The following ARID1B variants were observed in gnomAD, a reference collection of about 807,000 sequenced individuals.
ARID1B encodes the protein AT-rich interaction domain 1B.
In ARID1B, 30 loss-of-function variants were observed where a neutral mutation model predicts 212.3. That is an observed-to-expected ratio of 0.14 (90% CI 0.11 to 0.19). The LOEUF is 0.19. ARID1B is among the 10% of genes least tolerant of loss of function. The pLI, the probability that ARID1B is intolerant of heterozygous loss-of-function variation, is 1.00. For synonymous variants in ARID1B, 1,402 were observed against 1,301.7 expected (o/e 1.08, Z -1.66); for missense variants, 2,891 against 3,204.0 (o/e 0.90, Z 2.36).
In ARID1B at chr6:156,908,604, T is replaced by C. The variant is rs1789601487; in HGVS notation, c.2136+7079T>C. On this transcript the variant is annotated intron_variant, in intron 3 of 19. Coordinates refer to ENST00000636930, the MANE Select transcript of ARID1B (RefSeq NM_001374828.1). ...CCACTCAAGTGAATGCTTACTTTAT[T>C]TGAACATTTTTTGTTTGATGAAGCT... is the stretch of plus-strand genomic sequence containing the variant. 2.0e-5 allele frequency among the ~76,000 whole-genome samples: 3 copies of C among 151,994 alleles called. No individual in the cohort carries two copies. In the South Asian group the frequency reaches 6.3e-4, roughly 32 times the overall value.
At chr6:157,099,467 C>A (rs1006565864) in intron 5 of ARID1B, among the ~76,000 whole-genome samples, 1 of 152,000 alleles carries the variant, frequency 6.6e-6, no homozygotes, top group African/African-American at 2.4e-5. Flanking sequence ...GTCTGTCTTA[C>A]CCTCGCACCT....
intron 3 of ARID1B, among the ~76,000 whole-genome samples, chr6:156,934,912 T>TTA (rs201495355): frequency 0.01 from 531 of 52,152 alleles, 8 homozygotes; most frequent in South Asian, 0.017. Context: ...TAGTTGTTAA[T>TTA]TATATATATA....
chr6:157,190,326 G>A lies in ARID1B; in HGVS notation c.4231+116G>A. On this transcript the variant is annotated intron_variant, in intron 15 of 19. Coordinates refer to ENST00000636930, the MANE Select transcript of ARID1B (RefSeq NM_001374828.1). The surrounding 1 kb of genome is among the most constrained non-coding windows in gnomAD (Gnocchi z 4.6). ...CTCTGAGCCCATGCTGCATCGGTGT[G>A]GGTCCCAGGTCCCCATCCTACTCCA... is the stretch of plus-strand genomic sequence containing the variant. The A allele has an allele frequency of 8.0e-7, 1 of 1,257,696 alleles. No individual in the cohort carries two copies. Among genetic ancestry groups the A allele is most frequent in the East Asian group, 2.5e-5 (1 of 39,714 alleles). 77.9% of individuals were successfully genotyped at this position (1,257,696 alleles called of 1,614,324 possible). A position where few individuals can be genotyped will look rare whatever the true frequency, so the allele number is the denominator to read the frequency against.
chr6:156,854,295 C>G (rs1028821095), intron 2 of ARID1B, among the ~76,000 whole-genome samples: 17 of 152,138 alleles, frequency 1.1e-4, no homozygotes, highest in African/African-American at 3.6e-4. Context: ...CCAGGGTGAG[C>G]TGGAATGAGC....
chr6:157,125,475 T>C (rs769056729), intron 6 of ARID1B, among the ~76,000 whole-genome samples: 3 of 152,332 alleles, frequency 2.0e-5, no homozygotes, highest in Non-Finnish European at 4.4e-5. Context: ...AACTTTAGTT[T>C]CCAAGTCCAT....
At chr6:156,983,010 G>A (rs1468658454) in intron 4 of ARID1B, among the ~76,000 whole-genome samples, 1 of 151,894 alleles carries the variant, frequency 6.6e-6, no homozygotes, top group Non-Finnish European at 1.5e-5. Flanking sequence ...CAGGAGAATG[G>A]CTTGAGCCTG....
chr6:156,791,775 A>G (rs1250229415), intron 1 of ARID1B, among the ~76,000 whole-genome samples: 4 of 152,182 alleles, frequency 2.6e-5, no homozygotes. Context: ...GATGTGCAGG[A>G]TCCGAAGAGC....
intron 4 of ARID1B, among the ~76,000 whole-genome samples, chr6:157,003,981 A>G (rs1779054215): frequency 2.0e-5 from 3 of 152,168 alleles, no homozygotes; most frequent in Non-Finnish European, 4.4e-5. Flanking sequence ...CAAAAAGGAC[A>G]AAAATTAGCC....
Position 156,778,608 on chromosome 6 carries a change from G to C in ARID1B, c.928G>C (p.Val310Leu), listed in dbSNP as rs777266582. 5.5e-5 allele frequency: 73 copies of C among 1,335,614 alleles called. No homozygotes were observed. The highest frequency in any genetic ancestry group is 2.7e-4 in the South Asian group (14 of 51,052). 82.7% of individuals were successfully genotyped at this position (1,335,614 alleles called of 1,614,324 possible). The change falls in exon 1 of 20, where the codon GTC becomes CTC. Residue 310 changes from valine to leucine, a missense_variant. By Grantham distance (32) the Val-to-Leu change is conservative (BLOSUM62 1). Around this residue, in one of 7 missense-constraint regions of ARID1B, gnomAD observed 1,643 missense variants for 1,544.0 expected, o/e 1.06. Coordinates refer to ENST00000636930, the MANE Select transcript of ARID1B (RefSeq NM_001374828.1). The part of the protein sequence containing the change: ...VPGGGGGPAA[V>L]PEFNNYYGSA... ...CGGGGGCGGCGGCGGCCCGGCGGCC[G>C]TCCCGGAGTTTAATAATTACTATGG...
At chr6:157,151,986 A>T (rs1469746605) in intron 8 of ARID1B, 4 of 152,250 alleles carry the variant, frequency 2.6e-5, no homozygotes, top group Non-Finnish European at 4.4e-5. Context: ...TCCTGTAAAC[A>T]TCATCCCCAA....
intron 5 of ARID1B, among the ~76,000 whole-genome samples, chr6:157,096,162 C>A (rs1250626782): frequency 6.6e-6 from 1 of 152,178 alleles, no homozygotes; most frequent in Admixed American, 6.5e-5. Flanking sequence ...CCTTGCTGAC[C>A]CCTGCAGCCC....
intron 3 of ARID1B, among the ~76,000 whole-genome samples, chr6:156,932,470 T>G (rs1791828999): frequency 6.6e-6 from 1 of 152,222 alleles, no homozygotes; most frequent in African/African-American, 2.4e-5. Flanking sequence ...GTTTACACAC[T>G]GGTGTTCACT....
At chr6:157,021,577 T>C (rs1310879673) in intron 4 of ARID1B, among the ~76,000 whole-genome samples, 1 of 152,050 alleles carries the variant, frequency 6.6e-6, no homozygotes, top group Non-Finnish European at 1.5e-5. Context: ...AACAACCGCG[T>C]CCTCAGCCTG....
At chr6:156,963,630 A>C (rs1317885249) in intron 4 of ARID1B, among the ~76,000 whole-genome samples, 1 of 152,236 alleles carries the variant, frequency 6.6e-6, no homozygotes. Flanking sequence ...TTAAGCGTTT[A>C]AAAAATTCTA....
At chr6:156,815,757 A>G (rs188524075) in intron 1 of ARID1B, among the ~76,000 whole-genome samples, 28 of 152,362 alleles carry the variant, frequency 1.8e-4, no homozygotes, top group Admixed American at 1.6e-3. Context: ...TGCTGTTACT[A>G]TCCAGCTATA....
chr6:157,068,535 A>G (rs1044436051), intron 4 of ARID1B, among the ~76,000 whole-genome samples: 9 of 152,250 alleles, frequency 5.9e-5, no homozygotes, highest in African/African-American at 1.9e-4. Context: ...TTAGAAAACA[A>G]GAGATCTATT....
intron 4 of ARID1B, among the ~76,000 whole-genome samples, chr6:157,005,132 T>TTTGTTG (rs150174504): frequency 3.6e-3 from 533 of 148,938 alleles, no homozygotes; most frequent in East Asian, 0.018. Flanking sequence ...CAGGCTGTTT[T>TTTGTTG]TTGTTGTTGT....
chr6:156,788,223 T>C (rs1280221944), intron 1 of ARID1B, among the ~76,000 whole-genome samples: 2 of 152,138 alleles, frequency 1.3e-5, no homozygotes, highest in African/African-American at 4.8e-5. Flanking sequence ...TAAACCACAC[T>C]AGATCCCAGA....
chr6:156,778,541 C>G lies in ARID1B; in HGVS notation c.861C>G (p.Gly287=), dbSNP rs1778860991. 35 of 1,231,958 alleles carry G rather than the reference C, an allele frequency of 2.8e-5. No individual in the cohort carries two copies. The highest frequency in any genetic ancestry group is 6.3e-4 in the Middle Eastern group (2 of 3,150). The allele number at this position is 1,231,958 out of a possible 1,614,324, so 76.3% of individuals were successfully genotyped here. A position where few individuals can be genotyped will look rare whatever the true frequency, so the allele number is the denominator to read the frequency against. ...CGGGCGGCCGCTACGAGCACCCGGG[C>G]TTGGGCGCCCTGGGCACGCAGCAGC... is the stretch of plus-strand genomic sequence containing the variant. ...EPAGGRYEHP[G]LGALGTQQPP... is the part of the protein sequence containing the mutation. Residue 287 remains glycine (G), a synonymous_variant, in exon 1 of 20, where the codon GGC becomes GGG. Transcript: ENST00000636930.
Sources: gnomAD v4.1 joint callset for allele counts (sites outside exome capture counted in the v4.1 genomes callset) on GRCh38, gnomAD v4.1.1 for gene constraint, gnomAD v4.1.1 regional missense constraint, Gnocchi (gnomAD v3.1) non-coding constraint, MANE v1.5 for transcripts, NCBI Gene and HGNC (gene_info 2026-07-23, HGNC 2026-07-21) for gene names.